The following ANO10 variants were observed in gnomAD, a reference collection of about 807,000 sequenced individuals.
ANO10 encodes the protein anoctamin 10, also known as anoctamin-10.
ANO10 carries 77 observed loss-of-function variants against 74.7 expected under a neutral mutation model. That is an observed-to-expected ratio of 1.03 (90% CI 0.86 to 1.25). ANO10 has a LOEUF of 1.25. Ranked by LOEUF, ANO10 falls within the 50% of genes most tolerant of loss-of-function variation. The probability of loss-of-function intolerance (pLI) is 0.00; values close to 1 mark genes in which losing one functional copy is unlikely to be tolerated. For missense variants in ANO10, 721 were observed against 778.1 expected (o/e 0.93, Z 0.87); for synonymous variants, 279 against 284.9 (o/e 0.98, Z 0.21).
chr3:43,524,965 C>G (rs140517160), intron 11 of ANO10, among the ~76,000 whole-genome samples: 1 of 152,194 alleles, frequency 6.6e-6, no homozygotes, highest in Non-Finnish European at 1.5e-5. Flanking sequence ...ACCTAACTCA[C>G]TGACTCTTCC....
chr3:43,556,743 T>C lies in ANO10; in HGVS notation c.1477-1274A>G, dbSNP rs990575516. ...AAGTTTTAAACTGATAAAATGTTAT[T>C]TACTAAAAACACGGAACAAACATAA... On this transcript the variant is annotated intron_variant, in intron 9 of 12. Coordinates refer to ENST00000292246, the MANE Select transcript of ANO10 (RefSeq NM_018075.5). 2.6e-5 allele frequency among the ~76,000 whole-genome samples: 4 copies of C among 152,232 alleles called. 1 individual carries two copies. Among genetic ancestry groups the C allele is most frequent in the South Asian group, 4.1e-4 (2 of 4,828 alleles).
chr3:43,584,590 C>T (rs1054492810), intron 4 of ANO10, among the ~76,000 whole-genome samples: 2 of 152,118 alleles, frequency 1.3e-5, no homozygotes, highest in Admixed American at 6.5e-5. Flanking sequence ...CACCTGCCTA[C>T]GGACCCCCTT....
chr3:43,504,685 C>G (rs2077229553), intron 11 of ANO10, among the ~76,000 whole-genome samples: 1 of 152,054 alleles, frequency 6.6e-6, no homozygotes, highest in South Asian at 2.1e-4. Context: ...CTCTGTCACC[C>G]AGGCTGAGGT....
At chr3:43,552,770 ATGTG>A (rs2079546016) in intron 10 of ANO10, among the ~76,000 whole-genome samples, 1 of 147,222 alleles carries the variant, frequency 6.8e-6, no homozygotes, top group Non-Finnish European at 1.5e-5. Flanking sequence ...ATGTATGTAT[ATGTG>A]TGTATTTTAT....
chr3:43,479,336 T>C (rs1376716053), intron 11 of ANO10, among the ~76,000 whole-genome samples: 3 of 152,236 alleles, frequency 2.0e-5, no homozygotes, highest in Non-Finnish European at 4.4e-5. Flanking sequence ...TTGTTGTTGC[T>C]TTCTTTTTCA....
rs376968879 is a variant in ANO10 at position 43,538,508 on chromosome 3, G to GT, written c.1797+11211dup. 2.4e-3 allele frequency among the ~76,000 whole-genome samples: 365 copies of GT among 152,176 alleles called. 1 individual carries two copies. Among genetic ancestry groups the GT allele is most frequent in the African/African-American group, 7.1e-3 (294 of 41,506 alleles). On this transcript the variant is annotated intron_variant, in intron 11 of 12. Transcript: ENST00000292246. ...TACAGAAGGATACCTTAAAGAACAG[G>GT]TTTTTTTAACAACAATTACTATGGC... is the stretch of plus-strand genomic sequence containing the variant.
intron 11 of ANO10, among the ~76,000 whole-genome samples, chr3:43,511,398 C>A (rs1479240055): frequency 1.3e-5 from 2 of 152,180 alleles, no homozygotes; most frequent in Admixed American, 6.5e-5. Context: ...ATTTCCAATT[C>A]TATTTAGTCC....
intron 12 of ANO10, among the ~76,000 whole-genome samples, chr3:43,432,045 G>GTCTAGGGA (rs1446876815): frequency 3.3e-5 from 5 of 151,190 alleles, no homozygotes; most frequent in Non-Finnish European, 7.4e-5. Context: ...TACTCCAGGT[G>GTCTAGGGA]TCTAGGGATC....
chr3:43,411,720 A>G (rs1029438770), intron 12 of ANO10, among the ~76,000 whole-genome samples: 11 of 152,296 alleles, frequency 7.2e-5, no homozygotes, highest in African/African-American at 2.2e-4. Context: ...AGATGGTTTC[A>G]AGTCCAATGT....
chr3:43,681,474 A>G (rs1212458687), intron 1 of ANO10, among the ~76,000 whole-genome samples: 2 of 85,056 alleles, frequency 2.4e-5, no homozygotes, highest in Admixed American at 1.5e-4. Context: ...CCACACAATA[A>G]TAATGGGAGA....
Position 43,405,662 on chromosome 3 carries a change from C to T in ANO10, c.1914+26949G>A, listed in dbSNP as rs112314138. On this transcript the variant is annotated intron_variant, in intron 12 of 12. Transcript: ENST00000292246. Reference sequence around the variant, plus strand: ...TTAATTTTTGTATTTTTTGTAGAGACGAGGTCTCACCATGTTGCCCAGGCT... The same window carrying T: ...TTAATTTTTGTATTTTTTGTAGAGATGAGGTCTCACCATGTTGCCCAGGCT... 4.9e-3 allele frequency among the ~76,000 whole-genome samples: 751 copies of T among 152,072 alleles called. 4 individuals are homozygous for T. The highest frequency in any genetic ancestry group is 0.016 in the African/African-American group (674 of 41,484).
chr3:43,385,082 AC>A (rs1294874521), intron 12 of ANO10, among the ~76,000 whole-genome samples: 4 of 152,202 alleles, frequency 2.6e-5, no homozygotes, highest in African/African-American at 7.2e-5. Flanking sequence ...AAGAAAAAAA[AC>A]AATCCCATCA....
chr3:43,604,977 A>T (rs1484152001), intron 2 of ANO10, among the ~76,000 whole-genome samples: 1 of 151,538 alleles, frequency 6.6e-6, no homozygotes, highest in African/African-American at 2.4e-5. Flanking sequence ...TTTTTTTTTT[A>T]AAGAGTCTAA....
At chr3:43,616,608 G>A (rs1376044413) in intron 1 of ANO10, among the ~76,000 whole-genome samples, 4 of 152,126 alleles carry the variant, frequency 2.6e-5, no homozygotes, top group Admixed American at 2.6e-4. Context: ...CCCCTTTAAG[G>A]CTCCAGGACA....
upstream of ANO10, among the ~76,000 whole-genome samples, chr3:43,626,369 A>G (rs2083492145): frequency 6.8e-6 from 1 of 146,274 alleles, no homozygotes. Context: ...CTCCTGGCTC[A>G]CTGCAACCTC....
intron 12 of ANO10, among the ~76,000 whole-genome samples, chr3:43,388,535 T>C (rs1315576851): frequency 6.6e-6 from 1 of 152,232 alleles, no homozygotes; most frequent in Non-Finnish European, 1.5e-5. Flanking sequence ...GCTAGTTTCT[T>C]ACTCTCTATG....
chr3:43,554,851 G>GACC (rs1416522440), intron 10 of ANO10, among the ~76,000 whole-genome samples: 1 of 152,060 alleles, frequency 6.6e-6, no homozygotes, highest in East Asian at 1.9e-4. Flanking sequence ...CTTCCTCTGA[G>GACC]ACCACCCCAG....
At chr3:43,615,060 T>C (rs1159432187) in intron 1 of ANO10, among the ~76,000 whole-genome samples, 1 of 151,426 alleles carries the variant, frequency 6.6e-6, no homozygotes, top group African/African-American at 2.4e-5. Context: ...ATGTAAAGTA[T>C]GATCATATAA....
Position 43,470,119 on chromosome 3 carries a change from G to A in ANO10, c.1798-37392C>T, listed in dbSNP as rs1449492025. Among the ~76,000 whole-genome samples, 4 of 152,312 alleles carry A rather than the reference G, an allele frequency of 2.6e-5. No homozygotes were observed. The East Asian group carries it at 5.8e-4, about 22-fold the overall frequency. ...TAAATAAATTGATAAACAAACTGTT[G>A]CATAGTTATATAATGACATATTACT... On this transcript the variant is annotated intron_variant, in intron 11 of 12. Coordinates refer to ENST00000292246, the MANE Select transcript of ANO10 (RefSeq NM_018075.5).
Sources: gnomAD v4.1 joint callset for allele counts (sites outside exome capture counted in the v4.1 genomes callset) on GRCh38, gnomAD v4.1.1 for gene constraint, MANE v1.5 for transcripts, NCBI Gene and HGNC (gene_info 2026-07-23, HGNC 2026-07-21) for gene names.